The following COL4A2 variants were observed in gnomAD, a reference collection of about 807,000 sequenced individuals.
The protein encoded by COL4A2 is collagen type IV alpha 2 chain.
Under a neutral mutation model 200.2 loss-of-function variants are expected in COL4A2, and 99 were observed. The ratio of observed to expected loss-of-function variants is 0.49; its 90% CI spans 0.42 to 0.58. COL4A2 has a LOEUF of 0.58. COL4A2 is among the 20% of genes least tolerant of loss of function. The pLI is 0.00. For missense variants in COL4A2, 1,950 were observed against 2,314.1 expected (o/e 0.84, Z 3.23); for synonymous variants, 897 against 900.6 (o/e 1.00, Z 0.07).
At chr13:110,407,505 C>T (rs1566516223) in intron 4 of COL4A2, among the ~76,000 whole-genome samples, 1 of 152,216 alleles carries the variant, frequency 6.6e-6, no homozygotes, top group Non-Finnish European at 1.5e-5. Context: ...CATCCACCGA[C>T]CCGAGTTTCA....
intron 47 of COL4A2, among the ~76,000 whole-genome samples, chr13:110,511,327 TATTTA>T (rs1884074960): frequency 6.6e-6 from 1 of 151,874 alleles, no homozygotes; most frequent in Non-Finnish European, 1.5e-5. Flanking sequence ...AAAAAATATA[TATTTA>T]ATTACACAAG....
At chr13:110,313,970 C>T (rs1885064836) in intron 3 of COL4A2, among the ~76,000 whole-genome samples, 2 of 152,338 alleles carry the variant, frequency 1.3e-5, no homozygotes, top group African/African-American at 4.8e-5. Context: ...GATGAAGCTG[C>T]CTTTTGAAGC....
chr13:110,370,053 A>G (rs1234121678), intron 4 of COL4A2, among the ~76,000 whole-genome samples: 1 of 152,022 alleles, frequency 6.6e-6, no homozygotes, highest in Non-Finnish European at 1.5e-5. Context: ...TTTACTTTCT[A>G]GCCGCTGCCT....
At chr13:110,436,623 T>A (rs888687537) in intron 13 of COL4A2, among the ~76,000 whole-genome samples, 3 of 150,960 alleles carry the variant, frequency 2.0e-5, no homozygotes, top group African/African-American at 4.9e-5. Context: ...AGAATTCATT[T>A]AAAAAAAAAC....
At chr13:110,428,232 C>T (rs1208248119) in intron 6 of COL4A2, among the ~76,000 whole-genome samples, 1 of 152,166 alleles carries the variant, frequency 6.6e-6, no homozygotes, top group African/African-American at 2.4e-5. Context: ...TACTTCTTAC[C>T]CAAGCCCAGG....
chr13:110,312,299 G>A (rs7988493), intron 3 of COL4A2, among the ~76,000 whole-genome samples: 24,825 of 152,144 alleles, frequency 0.16, 2,337 homozygotes, highest in Non-Finnish European at 0.22. Context: ...AGGGTAAACC[G>A]AAAAGCGCAG....
chr13:110,461,413 A>G (rs1435515400), intron 22 of COL4A2, among the ~76,000 whole-genome samples: 2 of 152,270 alleles, frequency 1.3e-5, no homozygotes, highest in East Asian at 3.8e-4. Flanking sequence ...GGGCCTGCAC[A>G]TCTGCACCAT....
chr13:110,457,409 G>C lies in COL4A2; in HGVS notation c.1406G>C (p.Gly469Ala), dbSNP rs755752113. 9 of 1,611,484 alleles carry C rather than the reference G, an allele frequency of 5.6e-6. No homozygotes were observed. Among genetic ancestry groups the C allele is most frequent in the Non-Finnish European group, 5.1e-6 (6 of 1,177,856 alleles). ...AGFPGLPGSP[G>A]ARGPKGWKGD... The stretch of plus-strand genomic sequence containing the variant: ...TTCCCTGGGCTTCCCGGCTCCCCTG[G>C]AGCCCGCGGACCAAAGGGGTGGAAA... The change falls in exon 21 of 48, where the codon GGA (glycine) becomes GCA (alanine). Residue 469 changes from glycine to alanine, a missense_variant. This residue lies in a region of COL4A2 where 1,385 missense variants were observed against 1,720.5 expected (regional missense o/e 0.80). Coordinates refer to ENST00000360467, the MANE Select transcript of COL4A2 (RefSeq NM_001846.4).
chr13:110,454,555 G>A (rs146566747), intron 20 of COL4A2, among the ~76,000 whole-genome samples: 1 of 152,238 alleles, frequency 6.6e-6, no homozygotes, highest in Non-Finnish European at 1.5e-5. Flanking sequence ...CAACTGACCG[G>A]ACACGCAGCT....
At chr13:110,495,039 G>A (rs938455222) in intron 39 of COL4A2, among the ~76,000 whole-genome samples, 10 of 152,208 alleles carry the variant, frequency 6.6e-5, no homozygotes, top group African/African-American at 2.4e-4. Flanking sequence ...GAAGCCCCCA[G>A]GAGCCTAGAG....
At chr13:110,460,962 A>G (rs1422695488) in intron 22 of COL4A2, among the ~76,000 whole-genome samples, 1 of 152,240 alleles carries the variant, frequency 6.6e-6, no homozygotes, top group Non-Finnish European at 1.5e-5. Flanking sequence ...ATTACTTTCA[A>G]CATTGCATTT....
chr13:110,356,457 C>T (rs1416860324), intron 3 of COL4A2, among the ~76,000 whole-genome samples: 2 of 152,264 alleles, frequency 1.3e-5, no homozygotes, highest in African/African-American at 4.8e-5. Flanking sequence ...CTCCTCCTCA[C>T]ATGGCCCTCC....
intron 3 of COL4A2, among the ~76,000 whole-genome samples, chr13:110,318,324 G>A (rs942739173): frequency 1.4e-5 from 2 of 147,706 alleles, no homozygotes; most frequent in Non-Finnish European, 2.9e-5. Context: ...GCGCGGGTAT[G>A]GTTTGGGTTG....
At chr13:110,384,908 AGAG>A (rs1878623250) in intron 4 of COL4A2, among the ~76,000 whole-genome samples, 1 of 152,206 alleles carries the variant, frequency 6.6e-6, no homozygotes, top group South Asian at 2.1e-4. Flanking sequence ...AGCTGAGAAA[AGAG>A]GAGATGAGGG....
intron 4 of COL4A2, among the ~76,000 whole-genome samples, chr13:110,360,674 C>T (rs1443735750): frequency 6.6e-6 from 1 of 152,186 alleles, no homozygotes; most frequent in Non-Finnish European, 1.5e-5. Context: ...TCCAAAACTC[C>T]GTGTGGGCTT....
At chr13:110,448,162 C>T (rs748025390) in intron 18 of COL4A2, among the ~76,000 whole-genome samples, 1 of 152,152 alleles carries the variant, frequency 6.6e-6, no homozygotes, top group African/African-American at 2.4e-5. Context: ...GAGCCATGAG[C>T]CCACTTTGAC....
At chr13:110,405,551 C>A (rs1000012551) in intron 4 of COL4A2, among the ~76,000 whole-genome samples, 11 of 151,846 alleles carry the variant, frequency 7.2e-5, no homozygotes, top group African/African-American at 2.7e-4. Context: ...GGGACCTCCA[C>A]GTTAGACAGG....
intron 3 of COL4A2, among the ~76,000 whole-genome samples, chr13:110,323,652 C>T (rs1386009841): frequency 1.3e-5 from 2 of 152,146 alleles, no homozygotes; most frequent in Admixed American, 1.3e-4. Context: ...CAGAAAATTC[C>T]AAAGGAAAGG....
At chr13:110,402,000 G>C (rs1437798298) in intron 4 of COL4A2, among the ~76,000 whole-genome samples, 1 of 152,160 alleles carries the variant, frequency 6.6e-6, no homozygotes, top group Non-Finnish European at 1.5e-5. Flanking sequence ...CCAGCAGATT[G>C]GGGATTAGAT....
Sources: gnomAD v4.1 joint callset for allele counts (sites outside exome capture counted in the v4.1 genomes callset) on GRCh38, gnomAD v4.1.1 for gene constraint, gnomAD v4.1.1 regional missense constraint, MANE v1.5 for transcripts, NCBI Gene and HGNC (gene_info 2026-07-23, HGNC 2026-07-21) for gene names.